TMCO4: variants seen among roughly 807,000 people sequenced by gnomAD.
The protein encoded by TMCO4 is transmembrane and coiled-coil domain-containing protein 4.
Under a neutral mutation model 64.7 loss-of-function variants are expected in TMCO4, and 58 were observed. The observed-to-expected ratio is 0.90, with a 90% CI of 0.73 to 1.12. The LOEUF (loss-of-function observed/expected upper bound fraction) is 1.12. TMCO4 is among the 50% of genes most tolerant of loss of function. TMCO4 has a pLI of 0.00. For missense variants in TMCO4, 780 were observed against 825.9 expected (o/e 0.94, Z 0.68); for synonymous variants, 325 against 346.1 (o/e 0.94, Z 0.68).
chr1:19,699,486 C>CATATATATATATATATATATATATATAT (rs10587817), intron 14 of TMCO4, among the ~76,000 whole-genome samples: 1 of 136,416 alleles, frequency 7.3e-6, no homozygotes, highest in African/African-American at 2.7e-5. Flanking sequence ...TTTTCATATA[C>CATATATATATATATATATATATATATAT]ATATATATAT....
chr1:19,746,041 T>C (rs2041765650), intron 9 of TMCO4, among the ~76,000 whole-genome samples: 1 of 151,788 alleles, frequency 6.6e-6, no homozygotes. Flanking sequence ...TCTTGGGGAG[T>C]TGAACAGGAA....
Position 19,682,436 on chromosome 1 carries a change from T to C in TMCO4, c.*604A>G. On this transcript the variant is annotated 3_prime_UTR_variant, in exon 16 of 16. Coordinates refer to ENST00000294543, the MANE Select transcript of TMCO4 (RefSeq NM_181719.7). ...GGAGCACACTCACATTGTGTCTGTG[T>C]GACTCATGTCCCTGGAGTTATGCAG... 1 of 587,866 alleles carries C rather than the reference T, an allele frequency of 1.7e-6. No individual in the cohort carries two copies. 36.4% of individuals were successfully genotyped at this position (587,866 alleles called of 1,614,324 possible). A position where few individuals can be genotyped will look rare whatever the true frequency, so the allele number is the denominator to read the frequency against.
At chr1:19,764,092 A>G (rs949459093) in intron 6 of TMCO4, among the ~76,000 whole-genome samples, 2 of 152,214 alleles carry the variant, frequency 1.3e-5, no homozygotes, top group Non-Finnish European at 1.5e-5. Flanking sequence ...TAGGATCAGT[A>G]AGAGAAGCAG....
chr1:19,712,615 G>C (rs573030081), intron 13 of TMCO4, among the ~76,000 whole-genome samples: 1 of 135,468 alleles, frequency 7.4e-6, no homozygotes, highest in Non-Finnish European at 1.6e-5. Flanking sequence ...GCGAGACTCC[G>C]TCTCAAAAAA....
At chr1:19,775,893 A>G (rs2043181711) in intron 4 of TMCO4, among the ~76,000 whole-genome samples, 1 of 152,210 alleles carries the variant, frequency 6.6e-6, no homozygotes, top group South Asian at 2.1e-4. Context: ...CTTTAAAAAT[A>G]TTGAGGTATT....
At position 19,743,255 on chromosome 1, in the gene TMCO4, A is replaced by C. The variant is rs1363886941; in HGVS notation, c.877+2277T>G. ...CATCTGGAAAAGGGGAGTGCGAATG[A>C]CAGCCACTTCCCTGGACTGAAGTGA... On this transcript the variant is annotated intron_variant, in intron 10 of 15. Coordinates refer to ENST00000294543, the MANE Select transcript of TMCO4 (RefSeq NM_181719.7). This position sits in a 1 kb window ranked among gnomAD's most constrained non-coding sequence, Gnocchi z 4.1. 2.0e-5 allele frequency among the ~76,000 whole-genome samples: 3 copies of C among 152,068 alleles called. No individual in the cohort carries two copies. The East Asian group carries it at 5.8e-4, about 29-fold the overall frequency.
At chr1:19,727,149 C>T (rs572331433) in intron 13 of TMCO4, among the ~76,000 whole-genome samples, 2 of 152,274 alleles carry the variant, frequency 1.3e-5, no homozygotes, top group Admixed American at 6.5e-5. Flanking sequence ...TGAGCATCTG[C>T]CTCTATGTCC....
At chr1:19,714,478 G>A (rs1011290583) in intron 13 of TMCO4, among the ~76,000 whole-genome samples, 3 of 151,962 alleles carry the variant, frequency 2.0e-5, no homozygotes, top group African/African-American at 7.3e-5. Flanking sequence ...GGGCACTAAC[G>A]GTCTAATTCT....
chr1:19,715,490 A>G (rs1378398183), intron 13 of TMCO4, among the ~76,000 whole-genome samples: 3 of 152,222 alleles, frequency 2.0e-5, no homozygotes, highest in Non-Finnish European at 4.4e-5. Context: ...TGTCACAGCG[A>G]GTATCTGATA....
intron 13 of TMCO4, among the ~76,000 whole-genome samples, chr1:19,733,273 A>G (rs903572869): frequency 9.9e-5 from 15 of 152,054 alleles, no homozygotes; most frequent in Admixed American, 9.8e-4. Flanking sequence ...TCTCAAAAAA[A>G]AAAATTTTTT....
At chr1:19,736,230 C>G (rs898730829) in intron 13 of TMCO4, among the ~76,000 whole-genome samples, 1 of 152,150 alleles carries the variant, frequency 6.6e-6, no homozygotes, top group Non-Finnish European at 1.5e-5. Flanking sequence ...CAAGAGAACG[C>G]GTGCAGGGGA....
In TMCO4 at chr1:19,715,448, G is replaced by A. The variant is rs150873000; in HGVS notation, c.1265-14563C>T. 1.4e-3 allele frequency among the ~76,000 whole-genome samples: 211 copies of A among 152,274 alleles called. 1 individual carries two copies. The highest frequency in any genetic ancestry group is 4.8e-3 in the African/African-American group (199 of 41,566). On this transcript the variant is annotated intron_variant, in intron 13 of 15. Transcript: ENST00000294543. Reference sequence around the variant, plus strand: ...GTTTTTAGAGACTGGTTTTCATTGGGAAGGTTCTGTGAGATGATGTCTAGA... The same window carrying A: ...GTTTTTAGAGACTGGTTTTCATTGGAAAGGTTCTGTGAGATGATGTCTAGA...
chr1:19,778,040 A>C (rs956082018), intron 4 of TMCO4, among the ~76,000 whole-genome samples: 2 of 152,150 alleles, frequency 1.3e-5, no homozygotes, highest in African/African-American at 4.8e-5. Flanking sequence ...ATCTCTAAAA[A>C]ACAAAAATTA....
At position 19,746,027 on chromosome 1, in the gene TMCO4, C is replaced by T. The variant is rs547975328; in HGVS notation, c.758-376G>A. Among the ~76,000 whole-genome samples, 7 of 152,280 alleles carry T rather than the reference C, an allele frequency of 4.6e-5. No homozygotes were observed. The South Asian group carries it at 1.5e-3, about 32-fold the overall frequency. On this transcript the variant is annotated intron_variant, in intron 9 of 15. Coordinates refer to ENST00000294543, the MANE Select transcript of TMCO4 (RefSeq NM_181719.7). ...CCAAGAGTCTCATCAGGGGAGCAAACTTCTCTTGGGGAGTTGAACAGGAAT... is the reference window on the plus strand; with the variant it reads ...CCAAGAGTCTCATCAGGGGAGCAAATTTCTCTTGGGGAGTTGAACAGGAAT...
intron 3 of TMCO4, among the ~76,000 whole-genome samples, chr1:19,786,090 T>C (rs979752612): frequency 2.0e-5 from 3 of 151,984 alleles, no homozygotes; most frequent in Non-Finnish European, 2.9e-5. Context: ...AATAATAATA[T>C]TTTAAAAATT....
Position 19,734,703 on chromosome 1 carries a change from G to A in TMCO4, c.1264+2669C>T, listed in dbSNP as rs1156234512. 1.3e-5 allele frequency among the ~76,000 whole-genome samples: 2 copies of A among 152,262 alleles called. No individual in the cohort carries two copies. Among genetic ancestry groups the A allele is most frequent in the Non-Finnish European group, 1.5e-5 (1 of 68,006 alleles). Reference sequence around the variant, plus strand: ...CCCATGCTGGCCGACCCTCTGGAATGCCCTGCCCTAGTCCAGCTGCCGTCT... The same window carrying A: ...CCCATGCTGGCCGACCCTCTGGAATACCCTGCCCTAGTCCAGCTGCCGTCT... On this transcript the variant is annotated intron_variant, in intron 13 of 15. Coordinates refer to ENST00000294543, the MANE Select transcript of TMCO4 (RefSeq NM_181719.7). The surrounding 1 kb of genome is among the most constrained non-coding windows in gnomAD (Gnocchi z 4.4).
Position 19,755,750 on chromosome 1 carries a change from C to T in TMCO4, c.399G>A (p.Arg133=), listed in dbSNP as rs1251537404. Residue 133 remains arginine, a synonymous_variant, in exon 7 of 16, where the codon CGG becomes CGA. Coordinates refer to ENST00000294543, the MANE Select transcript of TMCO4 (RefSeq NM_181719.7). ...TCATGTGGCAAACGAGGACTCTGGCCCGGGCGTCATAGTGCCCTCGAAAGA... is the reference window on the plus strand; with the variant it reads ...TCATGTGGCAAACGAGGACTCTGGCTCGGGCGTCATAGTGCCCTCGAAAGA... ...FSLKDGHYDA[R]ARVLVCHMTS... The T allele has an allele frequency of 1.2e-6, 2 of 1,613,932 alleles. No homozygotes were observed. Among genetic ancestry groups the T allele is most frequent in the East Asian group, 4.5e-5 (2 of 44,872 alleles).
At chr1:19,751,094 C>T (rs1346334766) in intron 7 of TMCO4, among the ~76,000 whole-genome samples, 1 of 152,234 alleles carries the variant, frequency 6.6e-6, no homozygotes, top group Non-Finnish European at 1.5e-5. Flanking sequence ...TAAGCTCTCA[C>T]AGCACGGACC....
intron 15 of TMCO4, among the ~76,000 whole-genome samples, chr1:19,684,929 C>T (rs1392563839): frequency 6.6e-6 from 1 of 152,156 alleles, no homozygotes; most frequent in Non-Finnish European, 1.5e-5. Context: ...GCAGAACAAG[C>T]AGCAAGAGGG....
Sources: allele counts gnomAD v4.1 joint callset (sites outside exome capture counted in the v4.1 genomes callset), GRCh38; gene constraint gnomAD v4.1.1; non-coding constraint Gnocchi (gnomAD v3.1); transcripts MANE v1.5; gene names NCBI Gene and HGNC (gene_info 2026-07-23, HGNC 2026-07-21).